The following EFEMP1 variants were observed in gnomAD, a reference collection of about 807,000 sequenced individuals.
EFEMP1 encodes EGF-like fibulin extracellular matrix protein 1, also known as EGF-containing fibulin-like extracellular matrix protein 1.
Under a neutral mutation model 65.7 loss-of-function variants are expected in EFEMP1, and 18 were observed. The observed-to-expected ratio is 0.27, with a 90% CI of 0.19 to 0.41. EFEMP1 has a LOEUF of 0.41. Ranked by LOEUF, EFEMP1 falls within the 10% of genes least tolerant of loss-of-function variation. The probability of loss-of-function intolerance (pLI) is 1.00; values close to 1 mark genes in which losing one functional copy is unlikely to be tolerated. For missense variants in EFEMP1, 469 were observed against 624.8 expected (o/e 0.75, Z 2.66); for synonymous variants, 237 against 219.7 (o/e 1.08, Z -0.70).
intron 5 of EFEMP1, among the ~76,000 whole-genome samples, chr2:55,910,532 T>C (rs924310525): frequency 6.6e-6 from 1 of 152,196 alleles, no homozygotes; most frequent in African/African-American, 2.4e-5. Context: ...GGGCAACTTG[T>C]TGATTTCAGG....
chr2:55,879,679 G>C (rs1302478253), intron 6 of EFEMP1, among the ~76,000 whole-genome samples: 2 of 150,858 alleles, frequency 1.3e-5, no homozygotes, highest in African/African-American at 5.0e-5. Flanking sequence ...CAATAGAAAG[G>C]AGTGTATGGG....
rs953027079 is a variant in EFEMP1 at position 55,866,677 on chromosome 2, C to G, written c.*396G>C. Reference sequence around the variant, plus strand: ...CAAAGCAGTTAAAAACTCATTCTTACCCTTGCATGCTATTCAATGGTTATG... The same window carrying G: ...CAAAGCAGTTAAAAACTCATTCTTAGCCTTGCATGCTATTCAATGGTTATG... On this transcript the variant is annotated 3_prime_UTR_variant, in exon 12 of 12. Coordinates refer to ENST00000355426, the MANE Select transcript of EFEMP1 (RefSeq NM_001039348.3). The G allele has an allele frequency of 1.2e-5, 2 of 169,032 alleles. No individual in the cohort carries two copies. 10.5% of individuals were successfully genotyped at this position (169,032 alleles called of 1,614,324 possible).
rs1670962542 is a variant in EFEMP1 at position 55,923,091 on chromosome 2, TCA to T, written c.-48-154_-48-153del. Among the ~76,000 whole-genome samples the T allele has an allele frequency of 6.6e-6, 1 of 152,164 alleles. No homozygotes were observed. Among genetic ancestry groups the T allele is most frequent in the African/African-American group, 2.4e-5 (1 of 41,436 alleles). Reference sequence around the variant, plus strand: ...TTCTCACATCCCCCAGCACAAACTCTCAAAGTGGCATTTCCACGCCTTTCTCT... The same window carrying T: ...TTCTCACATCCCCCAGCACAAACTCTAAGTGGCATTTCCACGCCTTTCTCT... On this transcript the variant is annotated intron_variant, in intron 1 of 11. Transcript: ENST00000355426. The surrounding 1 kb of genome is among the most constrained non-coding windows in gnomAD (Gnocchi z 5.3).
At chr2:55,887,078 A>G (rs1669448383) in intron 5 of EFEMP1, among the ~76,000 whole-genome samples, 1 of 152,176 alleles carries the variant, frequency 6.6e-6, no homozygotes, top group Admixed American at 6.5e-5. Context: ...CAGAATTACA[A>G]AGCTTCTTAT....
At position 55,923,658 on chromosome 2, in the gene EFEMP1, G is replaced by C. The variant is rs1051872823; in HGVS notation, c.-49+53C>G. The C allele has an allele frequency of 7.1e-6, 7 of 985,502 alleles. No homozygotes were observed. Among genetic ancestry groups the C allele is most frequent in the Non-Finnish European group, 8.4e-6 (7 of 830,212 alleles). 61.0% of individuals were successfully genotyped at this position (985,502 alleles called of 1,614,324 possible). On this transcript the variant is annotated intron_variant, in intron 1 of 11. Transcript: ENST00000355426. This position sits in a 1 kb window ranked among gnomAD's most constrained non-coding sequence, Gnocchi z 5.3. ...CACCCCACCTCACTCTCCCGCGCGC[G>C]GCCCAGTGAGTACTGGGCTCGCTCG...
In EFEMP1 at chr2:55,881,984, T is replaced by C. The variant is rs192825213; in HGVS notation, c.518-250A>G. On this transcript the variant is annotated intron_variant, in intron 5 of 11. Transcript: ENST00000355426. The stretch of plus-strand genomic sequence containing the variant: ...GTTGGTCTTGGCTCATTTTGTTTTG[T>C]TAAGAAACATTTCAGATACAGCTAA... Among the ~76,000 whole-genome samples, 170 of 152,178 alleles carry C rather than the reference T, an allele frequency of 1.1e-3. 2 individuals are homozygous for C. The highest frequency in any genetic ancestry group is 6.9e-4 in the Non-Finnish European group (47 of 68,026).
chr2:55,890,100 C>G (rs1048914863), intron 5 of EFEMP1, among the ~76,000 whole-genome samples: 2 of 151,500 alleles, frequency 1.3e-5, no homozygotes, highest in Admixed American at 1.3e-4. Context: ...AATTTAAATA[C>G]AAGGACACAG....
chr2:55,871,041 T>C lies in EFEMP1; in HGVS notation c.1083A>G (p.Pro361=). 6.2e-7 allele frequency: 1 copy of C among 1,613,782 alleles called. No individual in the cohort carries two copies. The highest frequency in any genetic ancestry group is 1.1e-5 in the South Asian group (1 of 91,082). Residue 361 remains proline (P), a synonymous_variant, in exon 10 of 12, where the codon CCA becomes CCG. Coordinates refer to ENST00000355426, the MANE Select transcript of EFEMP1 (RefSeq NM_001039348.3). The surrounding 1 kb of genome is among the most constrained non-coding windows in gnomAD (Gnocchi z 4.2). ...WNYHGGFRCY[P]RNPCQDPYIL... ...TGTAGGGATCTTGACAAGGATTTCGTGGATAACAACGGAAGCCGCCATGAT... is the reference window on the plus strand; with the variant it reads ...TGTAGGGATCTTGACAAGGATTTCGCGGATAACAACGGAAGCCGCCATGAT...
At chr2:55,868,906 T>C (rs1174528512) in intron 11 of EFEMP1, among the ~76,000 whole-genome samples, 2 of 152,186 alleles carry the variant, frequency 1.3e-5, no homozygotes, top group Non-Finnish European at 2.9e-5. Context: ...ACAAGTAGAA[T>C]TTTAGTGGAG....
chr2:55,878,382 CTG>C (rs1669114389), intron 6 of EFEMP1, among the ~76,000 whole-genome samples: 1 of 152,120 alleles, frequency 6.6e-6, no homozygotes. Context: ...TAAAAGAACA[CTG>C]TGGAAGAATT....
intron 5 of EFEMP1, among the ~76,000 whole-genome samples, chr2:55,887,697 G>A (rs1476211374): frequency 6.6e-6 from 1 of 152,106 alleles, no homozygotes; most frequent in Admixed American, 6.6e-5. Context: ...ATTCTTATCA[G>A]TTCTGGCAAA....
rs1669394276 is a variant in EFEMP1 at position 55,885,591 on chromosome 2, A to G, written c.518-3857T>C. Among the ~76,000 whole-genome samples the G allele has an allele frequency of 6.6e-6, 1 of 152,106 alleles. No individual in the cohort carries two copies. The highest frequency in any genetic ancestry group is 6.6e-5 in the Admixed American group (1 of 15,260). On this transcript the variant is annotated intron_variant, in intron 5 of 11. Coordinates refer to ENST00000355426, the MANE Select transcript of EFEMP1 (RefSeq NM_001039348.3). The surrounding 1 kb of genome is among the most constrained non-coding windows in gnomAD (Gnocchi z 4.3). ...AATGGCAATATTTGGTGATTCCCTCATTTTTCAAAAATGTGCCCACGTGCT... is the reference window on the plus strand; with the variant it reads ...AATGGCAATATTTGGTGATTCCCTCGTTTTTCAAAAATGTGCCCACGTGCT...
At chr2:55,895,124 A>G (rs937989660) in intron 5 of EFEMP1, among the ~76,000 whole-genome samples, 1 of 152,202 alleles carries the variant, frequency 6.6e-6, no homozygotes, top group Non-Finnish European at 1.5e-5. Flanking sequence ...CACTCCTTGC[A>G]GGATTGGCAG....
intron 5 of EFEMP1, among the ~76,000 whole-genome samples, chr2:55,910,995 T>C (rs1319425513): frequency 6.6e-6 from 1 of 152,168 alleles, no homozygotes; most frequent in Non-Finnish European, 1.5e-5. Context: ...AGGAGCCCTA[T>C]AGAAGATATA....
At chr2:55,874,404 TC>T (rs202186391) in intron 9 of EFEMP1, among the ~76,000 whole-genome samples, 2,946 of 152,088 alleles carry the variant, frequency 0.019, 55 homozygotes, top group South Asian at 0.079. Flanking sequence ...GGTGTGAAGA[TC>T]ATCTGAATGT....
chr2:55,915,853 T>A (rs530956216), intron 5 of EFEMP1, among the ~76,000 whole-genome samples: 2 of 152,272 alleles, frequency 1.3e-5, no homozygotes, highest in South Asian at 4.1e-4. Context: ...AATACATGTA[T>A]AAGAATAACC....
In EFEMP1 at chr2:55,873,382, T is replaced by G. The variant is rs752819295; in HGVS notation, c.1000+1564A>C. Among the ~76,000 whole-genome samples, 2 of 152,072 alleles carry G rather than the reference T, an allele frequency of 1.3e-5. No individual in the cohort carries two copies. The highest frequency in any genetic ancestry group is 4.1e-4 in the South Asian group (2 of 4,824). On this transcript the variant is annotated intron_variant, in intron 9 of 11. Transcript: ENST00000355426. The surrounding 1 kb of genome is among the most constrained non-coding windows in gnomAD (Gnocchi z 4.6). The stretch of plus-strand genomic sequence containing the variant: ...CCCCACTTACAATTTTGGTGCATTT[T>G]CCACCTTTAATTACAATAGATATAA...
At position 55,922,578 on chromosome 2, in the gene EFEMP1, C is replaced by G. The variant is rs1670942938; in HGVS notation, c.-7-131G>C. 1 of 848,572 alleles carries G rather than the reference C, an allele frequency of 1.2e-6. No individual in the cohort carries two copies. Among genetic ancestry groups the G allele is most frequent in the Non-Finnish European group, 1.9e-6 (1 of 518,274 alleles). 52.6% of individuals were successfully genotyped at this position (848,572 alleles called of 1,614,324 possible). Reference sequence around the variant, plus strand: ...GGCTCCACCATACTCAACTTCCAATCTGCTTTCTCATCTCCCCTCCCCCTC... The same window carrying G: ...GGCTCCACCATACTCAACTTCCAATGTGCTTTCTCATCTCCCCTCCCCCTC... On this transcript the variant is annotated intron_variant, in intron 2 of 11. Transcript: ENST00000355426. The surrounding 1 kb of genome is among the most constrained non-coding windows in gnomAD (Gnocchi z 5.5).
intron 5 of EFEMP1, among the ~76,000 whole-genome samples, chr2:55,888,824 G>A (rs1425720119): frequency 1.3e-5 from 2 of 152,164 alleles, no homozygotes; most frequent in African/African-American, 4.8e-5. Flanking sequence ...TGCCACACAG[G>A]CTGGAGACCT....
Sources: gnomAD v4.1 joint callset for allele counts (sites outside exome capture counted in the v4.1 genomes callset) on GRCh38, gnomAD v4.1.1 for gene constraint, Gnocchi (gnomAD v3.1) non-coding constraint, MANE v1.5 for transcripts, NCBI Gene and HGNC (gene_info 2026-07-23, HGNC 2026-07-21) for gene names.